Variants in LUC7L observed in about 807,000 individuals in gnomAD.
The protein encoded by LUC7L is LUC7 like.
In LUC7L, 29 loss-of-function variants were observed where a neutral mutation model predicts 51.1. The observed-to-expected ratio is 0.57, with a 90% confidence interval of 0.42 to 0.77. The LOEUF (loss-of-function observed/expected upper bound fraction) is 0.77, where lower values mean the gene tolerates loss of function less well. Ranked by LOEUF, LUC7L falls within the 30% of genes least tolerant of loss-of-function variation. LUC7L has a pLI of 0.00. For synonymous variants in LUC7L, 181 were observed against 180.7 expected (o/e 1.00, Z -0.01); for missense variants, 403 against 511.9 (o/e 0.79, Z 2.05).
chr16:193,007 G>A lies in LUC7L; in HGVS notation c.696C>T (p.Val232=), dbSNP rs147295217. ...REKLDQLRKT[V]AEKQEKRNQD... is the part of the protein sequence containing the mutation. The stretch of plus-strand genomic sequence containing the variant: ...GATTTCTCTTCTCCTGCTTTTCAGC[G>A]ACAGTTTTCTAAATAAATGAAACAA... The change falls in exon 7 of 10, where the codon GTC becomes GTT. Residue 232 remains valine (V), a synonymous_variant. Transcript: ENST00000293872. 2.7e-5 allele frequency: 43 copies of A among 1,612,568 alleles called. No individual in the cohort carries two copies. In the African/African-American group the frequency reaches 4.9e-4, roughly 18 times the overall value.
intron 6 of LUC7L, 32 bp from the exon 7 acceptor site, chr16:193,047 C>A: frequency 6.5e-7 from 1 of 1,547,342 alleles, no homozygotes. Flanking sequence ...TGAGGAAGAG[C>A]AAGTTACACA....
At position 198,651 on chromosome 16, in the gene LUC7L, C is replaced by T. The variant is rs148332578; in HGVS notation, c.687+411G>A. On this transcript the variant is annotated intron_variant, in intron 6 of 9. Transcript: ENST00000293872. Reference sequence around the variant, plus strand: ...CAAGTGATGAAATCTGCGTATTTCACTATAAAACTCAAGTTCTTAGAGATC... The same window carrying T: ...CAAGTGATGAAATCTGCGTATTTCATTATAAAACTCAAGTTCTTAGAGATC... Among the ~76,000 whole-genome samples, 3 of 152,184 alleles carry T rather than the reference C, an allele frequency of 2.0e-5. No individual in the cohort carries two copies. In the East Asian group the frequency reaches 5.8e-4, roughly 29 times the overall value.
chr16:203,060 A>G (rs1596625156), intron 5 of LUC7L, among the ~76,000 whole-genome samples: 1 of 152,318 alleles, frequency 6.6e-6, no homozygotes, highest in East Asian at 1.9e-4. Context: ...CTGAGGCAGG[A>G]TAATCAGTTG....
intron 3 of LUC7L, among the ~76,000 whole-genome samples, chr16:215,580 G>A (rs562217608): frequency 9.4e-5 from 14 of 148,446 alleles, no homozygotes; most frequent in African/African-American, 3.0e-4. Flanking sequence ...AGATCATCGC[G>A]CCATTGCACT....
chr16:226,542 T>C (rs892929681), intron 2 of LUC7L, among the ~76,000 whole-genome samples: 1 of 152,232 alleles, frequency 6.6e-6, no homozygotes, highest in East Asian at 1.9e-4. Context: ...TGTTGATTTC[T>C]TGAAGGGGTG....
intron 7 of LUC7L, among the ~76,000 whole-genome samples, chr16:191,048 C>CG (rs1252550035): frequency 2.6e-5 from 4 of 152,142 alleles, no homozygotes; most frequent in Admixed American, 6.5e-5. Flanking sequence ...CTCCCATCCC[C>CG]ACAGCCACTC....
At chr16:211,605 G>T (rs189963991) in intron 3 of LUC7L, among the ~76,000 whole-genome samples, 1 of 152,152 alleles carries the variant, frequency 6.6e-6, no homozygotes. Flanking sequence ...TAAAAGAGCA[G>T]ATCTAAATGA....
intron 2 of LUC7L, among the ~76,000 whole-genome samples, chr16:224,240 C>G (rs950323255): frequency 6.6e-6 from 1 of 152,054 alleles, no homozygotes; most frequent in Non-Finnish European, 1.5e-5. Context: ...CTCATGAGGC[C>G]GAGCGCGGTG....
chr16:189,344 G>C lies in LUC7L; in HGVS notation c.975-5C>G. ...GATGCCCGCTCTCTGGAGAACCTGG[G>C]AAATGGGAACCAGAGGCTCAGTGGA... On this transcript the variant is annotated splice_polypyrimidine_tract_variant and splice_region_variant and intron_variant, in intron 9 of 9. Transcript: ENST00000293872. 1.2e-6 allele frequency: 2 copies of C among 1,605,706 alleles called. No homozygotes were observed. The highest frequency in any genetic ancestry group is 2.2e-5 in the East Asian group (1 of 44,736).
intron 6 of LUC7L, among the ~76,000 whole-genome samples, chr16:198,358 T>C (rs2858014): frequency 0.76 from 113,580 of 149,488 alleles, 44,211 homozygotes; most frequent in African/African-American, 0.94. Context: ...TTCTCTGGGC[T>C]GGGATGGTAC....
chr16:228,919 G>A, intron 1 of LUC7L: 1 of 1,364,118 alleles, frequency 7.3e-7, no homozygotes, highest in Non-Finnish European at 9.6e-7. Context: ...TCTGCCACCC[G>A]GCTGCCAGCG....
chr16:189,583 A>G, intron 9 of LUC7L: 1 of 1,368,176 alleles, frequency 7.3e-7, no homozygotes, highest in Non-Finnish European at 9.4e-7. Context: ...AGTGCAAAGG[A>G]GAATACAACA....
chr16:227,406 C>T (rs968963272), intron 1 of LUC7L, 70 bp from the exon 2 acceptor site: 1 of 1,537,892 alleles, frequency 6.5e-7, no homozygotes, highest in Admixed American at 2.0e-5. Context: ...ACTAGTATAA[C>T]AATTCACCTG....
chr16:227,628 A>AC, intron 1 of LUC7L: 2 of 1,200,988 alleles, frequency 1.7e-6, no homozygotes, highest in African/African-American at 3.1e-5. Flanking sequence ...CATTGGCTCC[A>AC]CATATACATG....
chr16:191,694 A>C (rs1438643253), intron 7 of LUC7L, among the ~76,000 whole-genome samples: 1 of 152,114 alleles, frequency 6.6e-6, no homozygotes, highest in East Asian at 1.9e-4. Context: ...AAAATACAAA[A>C]ATTAGCTGGG....
At chr16:189,874 C>T (rs2048963437) in intron 9 of LUC7L, 94 bp downstream of exon 9, 2 of 1,531,188 alleles carry the variant, frequency 1.3e-6, no homozygotes, top group South Asian at 1.3e-5. Flanking sequence ...TGAGCCCAGC[C>T]CCATCCCCAC....
intron 5 of LUC7L, among the ~76,000 whole-genome samples, 177 bp downstream of exon 5, chr16:205,826 TG>T (rs1178134170): frequency 6.6e-6 from 1 of 152,184 alleles, no homozygotes; most frequent in Non-Finnish European, 1.5e-5. Context: ...CCTGACCTCG[TG>T]ATCCGCCCGC....
At chr16:208,051 C>G (rs755673806) in intron 4 of LUC7L, 27 bp downstream of exon 4, 123 of 1,516,886 alleles carry the variant, frequency 8.1e-5, no homozygotes, top group Non-Finnish European at 1.1e-4. Flanking sequence ...TAAGAACACA[C>G]CAGACACCGA....
chr16:204,863 G>C (rs1263354150), intron 5 of LUC7L, among the ~76,000 whole-genome samples: 1 of 152,122 alleles, frequency 6.6e-6, no homozygotes, highest in African/African-American at 2.4e-5. Context: ...ATTACTCAAA[G>C]TTTATGGTAT....
Sources: allele counts gnomAD v4.1 joint callset (sites outside exome capture counted in the v4.1 genomes callset), GRCh38; gene constraint gnomAD v4.1.1; transcripts MANE v1.5; gene names NCBI Gene and HGNC (gene_info 2026-07-23, HGNC 2026-07-21).